HDAC9: variants seen among roughly 807,000 people sequenced by gnomAD.
HDAC9 encodes the protein MEF-2 interacting transcription repressor (MITR) protein.
HDAC9 carries 41 observed loss-of-function variants against 139.4 expected under a neutral mutation model. That is an observed-to-expected ratio of 0.29 (90% CI 0.23 to 0.38). HDAC9 has a LOEUF of 0.38. Ranked by LOEUF, HDAC9 falls within the 10% of genes least tolerant of loss-of-function variation. The probability of loss-of-function intolerance (pLI) is 1.00; values close to 1 mark genes in which losing one functional copy is unlikely to be tolerated. For synonymous variants in HDAC9, 517 were observed against 476.2 expected (o/e 1.09, Z -1.12); for missense variants, 1,147 against 1,297.0 (o/e 0.88, Z 1.78).
intron 1 of HDAC9, among the ~76,000 whole-genome samples, chr7:18,302,918 A>G (rs1798637781): frequency 6.6e-6 from 1 of 152,174 alleles, no homozygotes; most frequent in Admixed American, 6.5e-5. Context: ...AGTTAACAAT[A>G]GTTAATCATC....
intron 2 of HDAC9, among the ~76,000 whole-genome samples, chr7:18,214,904 G>A (rs993709304): frequency 1.1e-4 from 16 of 152,050 alleles, no homozygotes; most frequent in Admixed American, 4.6e-4. Context: ...TATTACTTTT[G>A]ACTATTTTGG....
At chr7:18,746,480 G>A (rs1018811825) in intron 13 of HDAC9, among the ~76,000 whole-genome samples, 4 of 152,134 alleles carry the variant, frequency 2.6e-5, no homozygotes, top group African/African-American at 7.2e-5. Flanking sequence ...AGAGGACTTT[G>A]TGAAATTCCA....
chr7:18,206,917 C>T (rs917961339), intron 2 of HDAC9, among the ~76,000 whole-genome samples: 105 of 144,364 alleles, frequency 7.3e-4, no homozygotes, highest in Non-Finnish European at 1.2e-3. Flanking sequence ...AAAAATGATT[C>T]GAGATATCTT....
At chr7:18,743,035 G>T (rs1476488297) in intron 13 of HDAC9, among the ~76,000 whole-genome samples, 1 of 152,028 alleles carries the variant, frequency 6.6e-6, no homozygotes, top group Non-Finnish European at 1.5e-5. Flanking sequence ...CAGTATGAAT[G>T]ATATTTTCTT....
At chr7:18,664,118 T>C (rs1794070978) in intron 11 of HDAC9, among the ~76,000 whole-genome samples, 3 of 152,294 alleles carry the variant, frequency 2.0e-5, no homozygotes, top group African/African-American at 7.2e-5. Context: ...TTCTCCAGAA[T>C]CTCAGTAGTG....
chr7:18,766,376 A>G (rs1292498934), intron 15 of HDAC9, among the ~76,000 whole-genome samples: 1 of 152,204 alleles, frequency 6.6e-6, no homozygotes, highest in African/African-American at 2.4e-5. Flanking sequence ...AATAATTACT[A>G]AAAATCCCAT....
intron 14 of HDAC9, among the ~76,000 whole-genome samples, chr7:18,755,198 C>G (rs1292162931): frequency 2.0e-5 from 3 of 152,104 alleles, no homozygotes; most frequent in Non-Finnish European, 2.9e-5. Context: ...TGTCATTGTT[C>G]TAAAAGATAT....
At chr7:18,542,099 A>C (rs1272173949) in intron 2 of HDAC9, among the ~76,000 whole-genome samples, 3 of 152,146 alleles carry the variant, frequency 2.0e-5, no homozygotes, top group African/African-American at 7.2e-5. Context: ...TGACAATCAA[A>C]AATGTCTTCA....
chr7:18,221,191 C>T (rs1329898804), intron 2 of HDAC9, among the ~76,000 whole-genome samples: 1 of 151,012 alleles, frequency 6.6e-6, no homozygotes, highest in Admixed American at 6.6e-5. Flanking sequence ...CAACCTCCTC[C>T]GCCTCCCAGG....
rs537788764 is a variant in HDAC9, at chr7:18,782,362, A to T, written c.2215-10983A>T. Reference sequence around the variant, plus strand: ...GCTGCATTTAGATTATACAAAGGAGACTGTGCCTAAATTCCTTTTCTTTTA... The same window carrying T: ...GCTGCATTTAGATTATACAAAGGAGTCTGTGCCTAAATTCCTTTTCTTTTA... On this transcript the variant is annotated intron_variant, in intron 16 of 25. Coordinates refer to ENST00000686413, the MANE Select transcript of HDAC9 (RefSeq NM_178425.4). Among the ~76,000 whole-genome samples, 3 of 152,222 alleles carry T rather than the reference A, an allele frequency of 2.0e-5. No homozygotes were observed. In the South Asian group the frequency reaches 6.2e-4, roughly 32 times the overall value.
At chr7:18,921,150 T>C (rs1366005487) in intron 22 of HDAC9, among the ~76,000 whole-genome samples, 2 of 152,068 alleles carry the variant, frequency 1.3e-5, no homozygotes, top group Admixed American at 6.6e-5. Context: ...ACCTAGGCAA[T>C]ACCATTCAGG....
intron 1 of HDAC9, among the ~76,000 whole-genome samples, chr7:18,108,713 C>A (rs942583580): frequency 6.6e-6 from 1 of 151,436 alleles, no homozygotes; most frequent in African/African-American, 2.4e-5. Flanking sequence ...CTCCTGCCTC[C>A]CAGATTCAAG....
At chr7:18,692,147 C>T (rs1782716560) in intron 12 of HDAC9, among the ~76,000 whole-genome samples, 1 of 152,028 alleles carries the variant, frequency 6.6e-6, no homozygotes, top group Non-Finnish European at 1.5e-5. Context: ...AAGGAATGAA[C>T]CATTACTCTT....
chr7:18,193,631 A>G (rs898701328), intron 2 of HDAC9, among the ~76,000 whole-genome samples: 2 of 152,336 alleles, frequency 1.3e-5, no homozygotes, highest in Non-Finnish European at 1.5e-5. Flanking sequence ...CCTGCAATAT[A>G]AAGCTCACCT....
chr7:18,272,974 C>CCTCCTCTTT (rs1251290642), intron 2 of HDAC9, among the ~76,000 whole-genome samples: 1 of 149,644 alleles, frequency 6.7e-6, no homozygotes. Context: ...ACTATTTCTT[C>CCTCCTCTTT]CTCCTCTTTC....
chr7:18,982,625 C>T (rs1309019416), intron 25 of HDAC9, among the ~76,000 whole-genome samples: 1 of 152,076 alleles, frequency 6.6e-6, no homozygotes, highest in East Asian at 1.9e-4. Context: ...TTGCTTCTGC[C>T]ACTTCCCAGT....
intron 22 of HDAC9, among the ~76,000 whole-genome samples, chr7:18,926,146 C>G (rs1585325877): frequency 6.6e-6 from 1 of 152,070 alleles, no homozygotes; most frequent in South Asian, 2.1e-4. Flanking sequence ...GCCAGGAGTT[C>G]TAGACCAGCC....
intron 2 of HDAC9, among the ~76,000 whole-genome samples, chr7:18,179,511 A>G (rs1789213354): frequency 6.6e-6 from 1 of 152,162 alleles, no homozygotes; most frequent in Admixed American, 6.5e-5. Context: ...ATAAGGATGA[A>G]TAAGCTTTGT....
At chr7:18,136,240 C>T (rs1368666303) in intron 1 of HDAC9, among the ~76,000 whole-genome samples, 1 of 150,140 alleles carries the variant, frequency 6.7e-6, no homozygotes, top group Non-Finnish European at 1.5e-5. Context: ...AAATTTTCTC[C>T]CATTTTGTAG....
Sources: gnomAD v4.1 joint callset for allele counts (sites outside exome capture counted in the v4.1 genomes callset) on GRCh38, gnomAD v4.1.1 for gene constraint, MANE v1.5 for transcripts, NCBI Gene and HGNC (gene_info 2026-07-23, HGNC 2026-07-21) for gene names.